The following STAG1 variants were observed in gnomAD, a reference collection of about 807,000 sequenced individuals.
STAG1 encodes STAG1 cohesin complex component.
Under a neutral mutation model 170.9 loss-of-function variants are expected in STAG1, and 26 were observed. The observed-to-expected ratio is 0.15, with a 90% CI of 0.11 to 0.21. The LOEUF is 0.21. STAG1 is among the 10% of genes least tolerant of loss of function. The probability of loss-of-function intolerance (pLI) is 1.00; values close to 1 mark genes in which losing one functional copy is unlikely to be tolerated. For synonymous variants in STAG1, 514 were observed against 497.7 expected (o/e 1.03, Z -0.44); for missense variants, 964 against 1,509.5 (o/e 0.64, Z 5.99).
chr3:136,711,482 G>A (rs1275097900), intron 1 of STAG1, among the ~76,000 whole-genome samples: 1 of 151,914 alleles, frequency 6.6e-6, no homozygotes, highest in Non-Finnish European at 1.5e-5. Flanking sequence ...GATCGTATAA[G>A]CCCAGGAGGT....
At chr3:136,524,268 C>G (rs1362908088) in intron 6 of STAG1, among the ~76,000 whole-genome samples, 2 of 152,142 alleles carry the variant, frequency 1.3e-5, no homozygotes, top group African/African-American at 2.4e-5. Flanking sequence ...TCTTTTATTT[C>G]ATTGAGCAGT....
At chr3:136,427,054 G>A (rs1345435004) in intron 16 of STAG1, among the ~76,000 whole-genome samples, 1 of 141,810 alleles carries the variant, frequency 7.1e-6, no homozygotes. Flanking sequence ...AGCGAGACTC[G>A]TCTCTTAAAA....
At chr3:136,745,533 T>A (rs936786518) in intron 1 of STAG1, among the ~76,000 whole-genome samples, 2 of 152,146 alleles carry the variant, frequency 1.3e-5, no homozygotes, top group African/African-American at 2.4e-5. Flanking sequence ...GCAACGTACA[T>A]CCCTTGTATG....
intron 15 of STAG1, among the ~76,000 whole-genome samples, chr3:136,438,012 A>T (rs554873735): frequency 6.2e-4 from 94 of 152,316 alleles, no homozygotes; most frequent in Admixed American, 1.4e-3. Context: ...AAAGCATCTT[A>T]TTACATTTAG....
intron 9 of STAG1, among the ~76,000 whole-genome samples, chr3:136,494,331 A>C (rs1286562790): frequency 6.6e-6 from 1 of 152,192 alleles, no homozygotes; most frequent in Non-Finnish European, 1.5e-5. Context: ...ATATAAATTG[A>C]ATCAGTAATT....
intron 7 of STAG1, among the ~76,000 whole-genome samples, chr3:136,519,111 T>C (rs750440106): frequency 6.6e-6 from 1 of 152,116 alleles, no homozygotes; most frequent in Non-Finnish European, 1.5e-5. Context: ...TGCATTTACA[T>C]GGCAGTGAAG....
intron 1 of STAG1, among the ~76,000 whole-genome samples, chr3:136,734,280 AAAAG>A (rs1209105836): frequency 2.6e-5 from 4 of 152,182 alleles, no homozygotes; most frequent in Non-Finnish European, 5.9e-5. Flanking sequence ...GCTTCATGAT[AAAAG>A]AGAGAGGCAG....
intron 1 of STAG1, among the ~76,000 whole-genome samples, chr3:136,657,673 T>C (rs1397226767): frequency 6.6e-6 from 1 of 152,082 alleles, no homozygotes; most frequent in African/African-American, 2.4e-5. Context: ...AACACAAAAA[T>C]GAGCCAGGCA....
At position 136,532,288 on chromosome 3, in the gene STAG1, T is replaced by G. The variant is rs563003514; in HGVS notation, c.471+9831A>C. 2.6e-5 allele frequency among the ~76,000 whole-genome samples: 4 copies of G among 152,318 alleles called. No homozygotes were observed. The East Asian group carries it at 7.7e-4, about 29-fold the overall frequency. ...TGACTTTGGTTTGCTAGAATTTTTG[T>G]ATCTAACTTCATCAGGGATGTTGGC... On this transcript the variant is annotated intron_variant, in intron 6 of 33. Coordinates refer to ENST00000383202, the MANE Select transcript of STAG1 (RefSeq NM_005862.3).
chr3:136,425,333 G>A (rs189273445), intron 16 of STAG1, among the ~76,000 whole-genome samples: 1 of 152,120 alleles, frequency 6.6e-6, no homozygotes, highest in Non-Finnish European at 1.5e-5. Context: ...ATAAAGTATA[G>A]TATCTTTGGT....
At chr3:136,581,944 TGTGATAC>T (rs1937599076) in intron 4 of STAG1, among the ~76,000 whole-genome samples, 1 of 152,186 alleles carries the variant, frequency 6.6e-6, no homozygotes, top group Non-Finnish European at 1.5e-5. Context: ...TATGACTATG[TGTGATAC>T]TTTCTTCTCT....
chr3:136,721,963 T>C (rs932525570), intron 1 of STAG1, among the ~76,000 whole-genome samples: 1 of 150,940 alleles, frequency 6.6e-6, no homozygotes, highest in Non-Finnish European at 1.5e-5. Context: ...GGCTCACACC[T>C]GTAATCCCAG....
chr3:136,526,022 G>A (rs1368247883), intron 6 of STAG1, among the ~76,000 whole-genome samples: 1 of 152,122 alleles, frequency 6.6e-6, no homozygotes, highest in African/African-American at 2.4e-5. Context: ...CCAACTATGT[G>A]GTCAATTTTG....
At chr3:136,555,693 A>G (rs1936586885) in intron 5 of STAG1, among the ~76,000 whole-genome samples, 1 of 151,876 alleles carries the variant, frequency 6.6e-6, no homozygotes, top group African/African-American at 2.4e-5. Context: ...CAATCAATCA[A>G]TCAATCAATC....
At chr3:136,459,287 A>C (rs1409261377) in intron 13 of STAG1, among the ~76,000 whole-genome samples, 3 of 152,166 alleles carry the variant, frequency 2.0e-5, no homozygotes, top group Non-Finnish European at 4.4e-5. Context: ...TACAATGGTA[A>C]AAGGGTCAAT....
intron 20 of STAG1, 28 bp downstream of exon 20, chr3:136,421,065 T>C (rs747357299): frequency 2.0e-6 from 3 of 1,484,410 alleles, no homozygotes; most frequent in Admixed American, 1.8e-5. Flanking sequence ...GCCACCTCGT[T>C]GCCTTTACTT....
intron 13 of STAG1, among the ~76,000 whole-genome samples, chr3:136,461,575 G>C (rs1271186956): frequency 2.0e-5 from 3 of 147,438 alleles, no homozygotes; most frequent in Non-Finnish European, 4.5e-5. Context: ...CCATTAACTA[G>C]CAAGACTCCG....
chr3:136,560,226 C>A lies in STAG1; in HGVS notation c.394+8539G>T, dbSNP rs754039462. ...TAGAAACATTCCTTGTTATATTCAA[C>A]TAAGAAAGAAGGTTGCTTTTAACCA... On this transcript the variant is annotated intron_variant, in intron 5 of 33. Transcript: ENST00000383202. 6.6e-5 allele frequency among the ~76,000 whole-genome samples: 10 copies of A among 152,150 alleles called. 1 individual carries two copies. The highest frequency in any genetic ancestry group is 2.4e-4 in the African/African-American group (10 of 41,434).
chr3:136,496,438 T>C (rs570584582), intron 9 of STAG1, among the ~76,000 whole-genome samples: 67 of 152,268 alleles, frequency 4.4e-4, no homozygotes, highest in African/African-American at 1.6e-3. Flanking sequence ...AGCATTCAAA[T>C]CATACAAACT....
Sources: allele counts gnomAD v4.1 joint callset (sites outside exome capture counted in the v4.1 genomes callset), GRCh38; gene constraint gnomAD v4.1.1; transcripts MANE v1.5; gene names NCBI Gene and HGNC (gene_info 2026-07-23, HGNC 2026-07-21).